Variants in GNB2 observed in about 807,000 individuals in gnomAD.
GNB2 encodes G protein subunit beta 2, also known as guanine nucleotide-binding protein G(I)/G(S)/G(T) subunit beta-2.
Under a neutral mutation model 40.7 loss-of-function variants are expected in GNB2, and 7 were observed. The observed-to-expected ratio is 0.17, with a 90% CI of 0.10 to 0.32. GNB2 has a LOEUF of 0.32. Among genes scored for constraint, GNB2 ranks in the 10% least tolerant of loss-of-function variants. The pLI, the probability that GNB2 is intolerant of heterozygous loss-of-function variation, is 1.00. For missense variants in GNB2, 286 were observed against 473.0 expected (o/e 0.60, Z 3.67); for synonymous variants, 254 against 191.2 (o/e 1.33, Z -2.71).
chr7:100,677,890 C>T, intron 7 of GNB2, 72 bp downstream of exon 7: 1 of 1,353,252 alleles, frequency 7.4e-7, no homozygotes, highest in Non-Finnish European at 1.0e-6. Flanking sequence ...CGTCCCAGTG[C>T]TCAACATGCA....
chr7:100,677,789 A>C lies in GNB2; in HGVS notation c.468A>C (p.Gln156His). ...GTTGCCGCTTCCTGGATGACAACCA[A>C]ATCATCACCAGCTCTGGGGATACCA... ...LSCCRFLDDN[Q>H]IITSSGDTTC... Residue 156 changes from glutamine (Q) to histidine (H), a missense_variant, in exon 7 of 10, where the codon CAA becomes CAC. Coordinates refer to ENST00000303210, the MANE Select transcript of GNB2 (RefSeq NM_005273.4). 1 of 1,613,668 alleles carries C rather than the reference A, an allele frequency of 6.2e-7. No homozygotes were observed.
chr7:100,678,992 G>A lies in GNB2; in HGVS notation c.*191G>A, dbSNP rs1804434179. On this transcript the variant is annotated 3_prime_UTR_variant, in exon 10 of 10. Transcript: ENST00000303210. Reference sequence around the variant, plus strand: ...GAGATAAGAAGGGGATGGAATGGGGGAAGAGGAGGAGCAGGAGGCCCTCAT... The same window carrying A: ...GAGATAAGAAGGGGATGGAATGGGGAAAGAGGAGGAGCAGGAGGCCCTCAT... 1 of 580,250 alleles carries A rather than the reference G, an allele frequency of 1.7e-6. No individual in the cohort carries two copies. The highest frequency in any genetic ancestry group is 2.8e-5 in the East Asian group (1 of 35,598). The allele number at this position is 580,250 out of a possible 1,614,324, so 35.9% of individuals were successfully genotyped here.
Position 100,678,445 on chromosome 7 carries a change from G to T in GNB2, c.747G>T (p.Thr249=). ...YAFTTGSDDA[T]CRLFDLRADQ... is the part of the protein sequence containing the mutation. Reference sequence around the variant, plus strand: ...TCACCACCGGCTCTGACGACGCCACGTGCCGCCTCTTCGACCTGCGGGCCG... The same window carrying T: ...TCACCACCGGCTCTGACGACGCCACTTGCCGCCTCTTCGACCTGCGGGCCG... Residue 249 remains threonine (T), a synonymous_variant, in exon 9 of 10, where the codon ACG becomes ACT. Coordinates refer to ENST00000303210, the MANE Select transcript of GNB2 (RefSeq NM_005273.4). 6.2e-7 allele frequency: 1 copy of T among 1,613,702 alleles called. No individual in the cohort carries two copies. The highest frequency in any genetic ancestry group is 8.5e-7 in the Non-Finnish European group (1 of 1,180,008).
At chr7:100,676,368 G>A in intron 2 of GNB2, 46 bp downstream of exon 2, 1 of 1,525,654 alleles carries the variant, frequency 6.6e-7, no homozygotes, top group East Asian at 2.3e-5. Context: ...ACACCGCCCG[G>A]TGCCCTGGAC....
Position 100,676,477 on chromosome 7 carries a change from C to T in GNB2, c.58-58C>T, listed in dbSNP as rs1009116280. On this transcript the variant is annotated intron_variant, in intron 2 of 9. Coordinates refer to ENST00000303210, the MANE Select transcript of GNB2 (RefSeq NM_005273.4). ...ACTCCTGTCTTCTGTTCTCTTCTCT[C>T]CCTTTCCTCCCCAACCTGTCTTCTC... The T allele has an allele frequency of 4.8e-6, 7 of 1,460,668 alleles. No individual in the cohort carries two copies. In the East Asian group the frequency reaches 1.4e-4, roughly 28 times the overall value. The allele number at this position is 1,460,668 out of a possible 1,614,324, so 90.5% of individuals were successfully genotyped here.
chr7:100,677,503 C>T lies in GNB2; in HGVS notation c.273C>T (p.His91=), dbSNP rs767179713. 2.8e-5 allele frequency: 45 copies of T among 1,613,404 alleles called. No homozygotes were observed. The highest frequency in any genetic ancestry group is 3.6e-5 in the Non-Finnish European group (42 of 1,179,928). ...IWDSYTTNKV[H]AIPLRSSWVM... ...GCGCTTCCCCTGCTCCGCAGGTCCA[C>T]GCCATCCCGCTGCGCTCCTCCTGGG... is the stretch of plus-strand genomic sequence containing the variant. Residue 91 remains histidine (H), a synonymous_variant, in exon 6 of 10, where the codon CAC becomes CAT. Transcript: ENST00000303210.
Position 100,677,196 on chromosome 7 carries a change from G to C in GNB2, c.204-156G>C, listed in dbSNP as rs931751592. On this transcript the variant is annotated intron_variant, in intron 4 of 9. Coordinates refer to ENST00000303210, the MANE Select transcript of GNB2 (RefSeq NM_005273.4). The stretch of plus-strand genomic sequence containing the variant: ...GGAGGCTGAGGTGGGAGGATCACTT[G>C]AGCCTAGGAGTTCCAGGCTGCAGTG... 21 of 634,412 alleles carry C rather than the reference G, an allele frequency of 3.3e-5. No homozygotes were observed. The East Asian group carries it at 5.7e-4, about 17-fold the overall frequency. 39.3% of individuals were successfully genotyped at this position (634,412 alleles called of 1,614,324 possible). A position where few individuals can be genotyped will look rare whatever the true frequency, so the allele number is the denominator to read the frequency against.
At position 100,677,644 on chromosome 7, in the gene GNB2, G is replaced by A. The variant is rs763666576; in HGVS notation, c.414G>A (p.Glu138=). 1.9e-6 allele frequency: 3 copies of A among 1,613,358 alleles called. No homozygotes were observed. The highest frequency in any genetic ancestry group is 2.5e-6 in the Non-Finnish European group (3 of 1,180,014). ...AGGGCAACGTCAGGGTCAGCCGGGA[G>A]CTGCCTGGCCACACTGGTGAGGGGC... is the stretch of plus-strand genomic sequence containing the variant. ...TREGNVRVSR[E]LPGHTGYLSC... Residue 138 remains glutamate (E), a synonymous_variant, in exon 6 of 10, where the codon GAG becomes GAA. Transcript: ENST00000303210.
Position 100,674,720 on chromosome 7 carries a change from G to C in GNB2, c.-90+797G>C, listed in dbSNP as rs189486062. Among the ~76,000 whole-genome samples the C allele has an allele frequency of 4.4e-3, 673 of 152,230 alleles. 3 individuals carry two copies. Among genetic ancestry groups the C allele is most frequent in the Middle Eastern group, 0.02 (6 of 294 alleles). ...GCCGGCTGCTATATCCCTAGAGTCT[G>C]GGGGCTGCTGAGGGCCCTGGGGGGT... On this transcript the variant is annotated intron_variant, in intron 1 of 9. Transcript: ENST00000303210.
chr7:100,677,602 C>T lies in GNB2; in HGVS notation c.372C>T (p.Tyr124=), dbSNP rs1476633198. Reference sequence around the variant, plus strand: ...GGTTGGACAACATCTGCTCCATCTACAGCCTCAAGACCCGCGAGGGCAACG... The same window carrying T: ...GGTTGGACAACATCTGCTCCATCTATAGCCTCAAGACCCGCGAGGGCAACG... ...CGGLDNICSI[Y]SLKTREGNVR... is the part of the protein sequence containing the mutation. The change falls in exon 6 of 10, where the codon TAC becomes TAT. Residue 124 remains tyrosine, a synonymous_variant. Coordinates refer to ENST00000303210, the MANE Select transcript of GNB2 (RefSeq NM_005273.4). 9 of 1,613,328 alleles carry T rather than the reference C, an allele frequency of 5.6e-6. No homozygotes were observed. Among genetic ancestry groups the T allele is most frequent in the African/African-American group, 4.0e-5 (3 of 74,954 alleles).
intron 8 of GNB2, 30 bp downstream of exon 8, chr7:100,678,329 C>T (rs1349723530): frequency 6.2e-7 from 1 of 1,606,842 alleles, no homozygotes; most frequent in South Asian, 1.1e-5. Context: ...AGGCCAGGCC[C>T]TCCCCACCAG....
Position 100,677,483 on chromosome 7 carries a change from T to G in GNB2, c.268-15T>G. 6.2e-7 allele frequency: 1 copy of G among 1,613,086 alleles called. No individual in the cohort carries two copies. The highest frequency in any genetic ancestry group is 8.5e-7 in the Non-Finnish European group (1 of 1,179,724). On this transcript the variant is annotated splice_polypyrimidine_tract_variant and intron_variant, in intron 5 of 9. Coordinates refer to ENST00000303210, the MANE Select transcript of GNB2 (RefSeq NM_005273.4). Reference sequence around the variant, plus strand: ...CCTGGCTGGCTCTGACCCCGGCGCTTCCCCTGCTCCGCAGGTCCACGCCAT... The same window carrying G: ...CCTGGCTGGCTCTGACCCCGGCGCTGCCCCTGCTCCGCAGGTCCACGCCAT...
rs183189413 is a variant in GNB2 at position 100,677,039 on chromosome 7, G to A, written c.203+240G>A. On this transcript the variant is annotated intron_variant, in intron 4 of 9. Coordinates refer to ENST00000303210, the MANE Select transcript of GNB2 (RefSeq NM_005273.4). The stretch of plus-strand genomic sequence containing the variant: ...CGCCTGTAATCCCAGCACGTGGGGA[G>A]GCCAGGGCAGGATCACTTGAGCTCA... 1,158 of 593,540 alleles carry A rather than the reference G, an allele frequency of 2.0e-3. 2 individuals are homozygous for A. The highest frequency in any genetic ancestry group is 2.7e-3 in the Non-Finnish European group (886 of 333,946). 36.8% of individuals were successfully genotyped at this position (593,540 alleles called of 1,614,324 possible).
rs373690790 is a variant in GNB2 at position 100,676,353 on chromosome 7, T to C, written c.57+31T>C. 3.3e-5 allele frequency: 52 copies of C among 1,569,540 alleles called. No individual in the cohort carries two copies. The African/African-American group carries it at 6.3e-4, about 19-fold the overall frequency. On this transcript the variant is annotated intron_variant, in intron 2 of 9. Coordinates refer to ENST00000303210, the MANE Select transcript of GNB2 (RefSeq NM_005273.4). ...GGCCTGGTGCGGGGCGGGCGATTCA[T>C]GTGTACACCGCCCGGTGCCCTGGAC...
chr7:100,678,982 T>C lies in GNB2; in HGVS notation c.*181T>C. 1.7e-6 allele frequency: 1 copy of C among 589,566 alleles called. No homozygotes were observed. Among genetic ancestry groups the C allele is most frequent in the East Asian group, 2.8e-5 (1 of 35,784 alleles). 36.5% of individuals were successfully genotyped at this position (589,566 alleles called of 1,614,324 possible). A position where few individuals can be genotyped will look rare whatever the true frequency, so the allele number is the denominator to read the frequency against. Reference sequence around the variant, plus strand: ...CCCCACTGTGGAGATAAGAAGGGGATGGAATGGGGGAAGAGGAGGAGCAGG... The same window carrying C: ...CCCCACTGTGGAGATAAGAAGGGGACGGAATGGGGGAAGAGGAGGAGCAGG... On this transcript the variant is annotated 3_prime_UTR_variant, in exon 10 of 10. Transcript: ENST00000303210.
Position 100,679,029 on chromosome 7 carries a change from C to T in GNB2, c.*228C>T. 1 of 538,128 alleles carries T rather than the reference C, an allele frequency of 1.9e-6. No individual in the cohort carries two copies. Among genetic ancestry groups the T allele is most frequent in the Non-Finnish European group, 3.3e-6 (1 of 301,998 alleles). 33.3% of individuals were successfully genotyped at this position (538,128 alleles called of 1,614,324 possible). On this transcript the variant is annotated 3_prime_UTR_variant, in exon 10 of 10. Coordinates refer to ENST00000303210, the MANE Select transcript of GNB2 (RefSeq NM_005273.4). ...CAGGAGGCCCTCATCCTTCTGCTGC[C>T]CTGGGGTTGGGGCCTCACCCCTCTG... is the stretch of plus-strand genomic sequence containing the variant.
chr7:100,677,924 C>A (rs1355157345), intron 7 of GNB2, 106 bp downstream of exon 7: 8 of 1,096,010 alleles, frequency 7.3e-6, no homozygotes, highest in Non-Finnish European at 1.1e-5. Flanking sequence ...CCTCCCTCTC[C>A]TGGTGGGCGC....
At chr7:100,677,193 C>T (rs1804369328) in intron 4 of GNB2, 159 bp from the exon 5 acceptor site, 2 of 632,662 alleles carry the variant, frequency 3.2e-6, no homozygotes, top group Non-Finnish European at 5.7e-6. Flanking sequence ...GGGAGGATCA[C>T]TTGAGCCTAG....
intron 3 of GNB2, 43 bp from the exon 4 acceptor site, chr7:100,676,649 CT>C (rs1345038038): frequency 6.4e-7 from 1 of 1,553,582 alleles, no homozygotes; most frequent in Non-Finnish European, 8.9e-7. Flanking sequence ...CTCTGCAGTC[CT>C]GCTGCCTGGG....
Sources: allele counts gnomAD v4.1 joint callset (sites outside exome capture counted in the v4.1 genomes callset), GRCh38; gene constraint gnomAD v4.1.1; transcripts MANE v1.5; gene names NCBI Gene and HGNC (gene_info 2026-07-23, HGNC 2026-07-21).